SPOCK3: variants seen among roughly 807,000 people sequenced by gnomAD.
The protein encoded by SPOCK3 is testican-3.
Under a neutral mutation model 56.6 loss-of-function variants are expected in SPOCK3, and 30 were observed. The observed-to-expected ratio is 0.53, with a 90% CI of 0.40 to 0.72. The LOEUF (loss-of-function observed/expected upper bound fraction) is 0.72. Ranked by LOEUF, SPOCK3 falls within the 30% of genes least tolerant of loss-of-function variation. SPOCK3 has a pLI of 0.00. For synonymous variants in SPOCK3, 196 were observed against 183.3 expected (o/e 1.07, Z -0.56); for missense variants, 527 against 530.0 (o/e 0.99, Z 0.06).
chr4:166,994,294 A>G (rs771010776), intron 4 of SPOCK3, among the ~76,000 whole-genome samples: 1 of 152,322 alleles, frequency 6.6e-6, no homozygotes, highest in Middle Eastern at 3.4e-3. Flanking sequence ...TTAAAACTAC[A>G]TCGCAGAAAG....
At chr4:166,860,208 G>A (rs1731090847) in intron 6 of SPOCK3, among the ~76,000 whole-genome samples, 1 of 152,002 alleles carries the variant, frequency 6.6e-6, no homozygotes, top group Admixed American at 6.6e-5. Context: ...GATTATGCAT[G>A]GAATGATCAC....
chr4:166,994,258 G>T (rs1180382345), intron 4 of SPOCK3, among the ~76,000 whole-genome samples: 2 of 152,102 alleles, frequency 1.3e-5, no homozygotes, highest in Non-Finnish European at 2.9e-5. Flanking sequence ...AGTTCTAATT[G>T]TTTTTGCACA....
intron 6 of SPOCK3, among the ~76,000 whole-genome samples, chr4:166,873,419 C>T (rs754103007): frequency 6.6e-6 from 1 of 151,924 alleles, no homozygotes; most frequent in Admixed American, 6.6e-5. Context: ...AATGATATAT[C>T]AATAGCTTCA....
chr4:167,153,200 G>A (rs984732899), intron 2 of SPOCK3, among the ~76,000 whole-genome samples: 7 of 152,150 alleles, frequency 4.6e-5, no homozygotes, highest in Non-Finnish European at 1.0e-4. Flanking sequence ...CTGAATTACA[G>A]ATCATCTGCA....
intron 6 of SPOCK3, among the ~76,000 whole-genome samples, chr4:166,870,006 G>A (rs1732289086): frequency 6.6e-6 from 1 of 152,028 alleles, no homozygotes; most frequent in South Asian, 2.1e-4. Context: ...GGAACCCTAC[G>A]ATGTCCTCAT....
intron 2 of SPOCK3, among the ~76,000 whole-genome samples, chr4:167,073,801 T>G (rs1580208098): frequency 6.6e-6 from 1 of 152,046 alleles, no homozygotes; most frequent in Non-Finnish European, 1.5e-5. Flanking sequence ...CAGTGTTACA[T>G]TCATAGTTCA....
rs1305761406 is a variant in SPOCK3, at chr4:167,062,557, G to C, written c.190-20C>G. The C allele has an allele frequency of 1.3e-6, 2 of 1,587,988 alleles. No homozygotes were observed. Among genetic ancestry groups the C allele is most frequent in the Non-Finnish European group, 1.7e-6 (2 of 1,159,928 alleles). On this transcript the variant is annotated intron_variant, in intron 2 of 10. Transcript: ENST00000357545. ...ATCATCCTAAGGGGGAAAATAATGT[G>C]AATTGAGTGTATACAAGTAATTAAA...
intron 6 of SPOCK3, among the ~76,000 whole-genome samples, chr4:166,796,310 T>C (rs532634144): frequency 6.6e-6 from 1 of 152,184 alleles, no homozygotes; most frequent in Admixed American, 6.5e-5. Context: ...TTGTTAATTA[T>C]GATTATGTTA....
intron 7 of SPOCK3, among the ~76,000 whole-genome samples, chr4:166,777,493 C>G (rs1371215145): frequency 6.6e-6 from 1 of 152,062 alleles, no homozygotes; most frequent in Non-Finnish European, 1.5e-5. Context: ...GTATAGGTTT[C>G]AAGCCCAGTG....
At chr4:167,058,277 A>C (rs568433721) in intron 3 of SPOCK3, among the ~76,000 whole-genome samples, 1 of 152,310 alleles carries the variant, frequency 6.6e-6, no homozygotes, top group African/African-American at 2.4e-5. Flanking sequence ...AAATCTCCTT[A>C]AGCTGATAAG....
intron 4 of SPOCK3, among the ~76,000 whole-genome samples, chr4:166,986,352 G>A (rs1230603786): frequency 2.6e-5 from 4 of 152,110 alleles, no homozygotes; most frequent in Non-Finnish European, 5.9e-5. Flanking sequence ...TCTTTCCTTA[G>A]TTGGAGAAAC....
At chr4:167,185,903 A>G (rs1323272753) in intron 2 of SPOCK3, among the ~76,000 whole-genome samples, 1 of 152,160 alleles carries the variant, frequency 6.6e-6, no homozygotes, top group Non-Finnish European at 1.5e-5. Flanking sequence ...TTTGACAACT[A>G]CTGTATTACA....
At chr4:167,125,571 G>A (rs1047760370) in intron 2 of SPOCK3, among the ~76,000 whole-genome samples, 6 of 148,372 alleles carry the variant, frequency 4.0e-5, no homozygotes, top group Admixed American at 6.8e-5. Context: ...AAAATTCGCC[G>A]GGCGTGTTGG....
At chr4:166,941,714 C>T (rs993163688) in intron 4 of SPOCK3, among the ~76,000 whole-genome samples, 3 of 152,186 alleles carry the variant, frequency 2.0e-5, no homozygotes, top group African/African-American at 7.2e-5. Flanking sequence ...TCAGTGGGTT[C>T]TCACTTTCTC....
At chr4:167,085,669 T>A (rs1305389930) in intron 2 of SPOCK3, among the ~76,000 whole-genome samples, 1 of 152,098 alleles carries the variant, frequency 6.6e-6, no homozygotes. Context: ...AATGACTGGA[T>A]TTTCATGCTG....
intron 6 of SPOCK3, among the ~76,000 whole-genome samples, chr4:166,881,342 G>A (rs559929222): frequency 3.3e-5 from 5 of 151,712 alleles, no homozygotes; most frequent in Admixed American, 6.6e-5. Context: ...AATTAATGTA[G>A]TAAATTGATT....
chr4:166,825,947 A>C (rs1306540489), intron 6 of SPOCK3, among the ~76,000 whole-genome samples: 1 of 152,074 alleles, frequency 6.6e-6, no homozygotes, highest in Non-Finnish European at 1.5e-5. Flanking sequence ...TACAGTGTAC[A>C]CTGCTTGGGT....
chr4:167,081,232 A>T (rs1361165431), intron 2 of SPOCK3, among the ~76,000 whole-genome samples: 1 of 152,010 alleles, frequency 6.6e-6, no homozygotes, highest in Non-Finnish European at 1.5e-5. Flanking sequence ...TTTTAGCTTC[A>T]ATTTATTCAA....
At chr4:166,795,634 A>G (rs1199434827) in intron 6 of SPOCK3, among the ~76,000 whole-genome samples, 1 of 151,914 alleles carries the variant, frequency 6.6e-6, no homozygotes, top group East Asian at 1.9e-4. Context: ...GAAATTAATT[A>G]AATTTGATAA....
Sources: allele counts gnomAD v4.1 joint callset (sites outside exome capture counted in the v4.1 genomes callset), GRCh38; gene constraint gnomAD v4.1.1; transcripts MANE v1.5; gene names NCBI Gene and HGNC (gene_info 2026-07-23, HGNC 2026-07-21).